The following KIF4A variants were observed in gnomAD, a reference collection of about 807,000 sequenced individuals.
KIF4A encodes the protein chromosome-associated kinesin KIF4A.
A neutral mutation model predicts 105.9 loss-of-function variants in KIF4A; 7 were observed. The ratio of observed to expected loss-of-function variants is 0.07; its 90% confidence interval spans 0.04 to 0.12. KIF4A has a LOEUF of 0.12. Ranked by LOEUF, KIF4A falls within the 10% of genes least tolerant of loss-of-function variation. The pLI is 1.00. For synonymous variants in KIF4A, 281 were observed against 331.3 expected, an observed-to-expected ratio of 0.85 and a Z score of 1.65; for missense variants, 558 against 929.2, an observed-to-expected ratio of 0.60 and a Z score of 5.19.
intron 10 of KIF4A, 119 bp downstream of exon 10, chrX:70,333,808 C>G: frequency 2.0e-6 from 1 of 500,633 alleles, no homozygotes; most frequent in Non-Finnish European, 3.4e-6. Context: ...ACCAATTTTG[C>G]TGACTATTTA....
chrX:70,385,380 A>T (rs1232403569), intron 18 of KIF4A, among the ~76,000 whole-genome samples: 1 of 112,231 alleles, frequency 8.9e-6, no homozygotes, highest in Non-Finnish European at 1.9e-5. Context: ...GGTACTAAGA[A>T]GACTGTTGAC....
At chrX:70,395,592 G>A (rs2086256211) in intron 20 of KIF4A, 79 bp from the exon 21 acceptor site, 2 of 1,147,921 alleles carry the variant, frequency 1.7e-6, no homozygotes, top group East Asian at 3.0e-5. Context: ...TCCAAATGAA[G>A]TTAAGTCTGG....
intron 15 of KIF4A, among the ~76,000 whole-genome samples, chrX:70,371,971 A>C (rs1212749623): frequency 1.0e-5 from 1 of 98,296 alleles, no homozygotes; most frequent in South Asian, 5.4e-4. Flanking sequence ...AGACGGGGTC[A>C]CGGCCGGGTA....
At chrX:70,393,710 A>G (rs1387072284) in intron 20 of KIF4A, among the ~76,000 whole-genome samples, 1 of 105,256 alleles carries the variant, frequency 9.5e-6, no homozygotes, top group African/African-American at 3.4e-5. Flanking sequence ...TATTAATGTT[A>G]GTATGTTGTT....
chrX:70,323,911 G>A (rs1004249002), intron 7 of KIF4A, among the ~76,000 whole-genome samples: 1 of 109,151 alleles, frequency 9.2e-6, no homozygotes, highest in African/African-American at 3.4e-5. Flanking sequence ...TTGACTCACT[G>A]CAACCTCCAC....
At chrX:70,417,349 C>CA (rs2086348505) in intron 28 of KIF4A, among the ~76,000 whole-genome samples, 1 of 110,050 alleles carries the variant, frequency 9.1e-6, no homozygotes, top group African/African-American at 3.3e-5. Context: ...ACTAAAAATA[C>CA]AAAAATTAGC....
chrX:70,301,608 CT>C (rs2085804693), intron 5 of KIF4A, among the ~76,000 whole-genome samples: 1 of 111,768 alleles, frequency 8.9e-6, no homozygotes, highest in African/African-American at 3.3e-5. Flanking sequence ...ATTAACTTCA[CT>C]TGGGGTTTCT....
chrX:70,321,349 T>G, intron 7 of KIF4A, among the ~76,000 whole-genome samples: 1 of 112,369 alleles, frequency 8.9e-6, no homozygotes, highest in East Asian at 2.8e-4. Context: ...GACATTGCCT[T>G]TTTTAATCAT....
chrX:70,356,799 C>T (rs1339281606), intron 15 of KIF4A, among the ~76,000 whole-genome samples: 2 of 111,551 alleles, frequency 1.8e-5, no homozygotes, highest in Non-Finnish European at 3.8e-5. Context: ...TCTCTTATCC[C>T]ACCACCTGTG....
chrX:70,329,421 A>G lies in KIF4A; in HGVS notation c.795A>G (p.Arg265=). The change falls in exon 8 of 31, where the codon CGA becomes CGG. Residue 265 remains arginine (R), a synonymous_variant. Transcript: ENST00000374403. ...DRLKEGININ[R]GLLCLGNVIS... ...TGCTATTAGGTATTAATATTAACCG[A>G]GGCCTCCTATGCTTGGGAAATGTAA... The G allele has an allele frequency of 3.3e-6, 4 of 1,210,618 alleles. No individual in the cohort carries two copies. Among genetic ancestry groups the G allele is most frequent in the Non-Finnish European group, 4.5e-6 (4 of 894,609 alleles).
chrX:70,332,678 G>T (rs1033312247), intron 9 of KIF4A, among the ~76,000 whole-genome samples: 1 of 110,971 alleles, frequency 9.0e-6, no homozygotes, highest in Non-Finnish European at 1.9e-5. Context: ...TAGAAAGGGA[G>T]AAATTGAAAA....
intron 9 of KIF4A, among the ~76,000 whole-genome samples, chrX:70,331,649 A>AC (rs1555947524): frequency 9.1e-6 from 1 of 109,858 alleles, no homozygotes; most frequent in South Asian, 4.0e-4. Flanking sequence ...TAAAAAAAAA[A>AC]CCACAGTATC....
At chrX:70,309,321 A>G (rs1450365121) in intron 7 of KIF4A, among the ~76,000 whole-genome samples, 1 of 111,764 alleles carries the variant, frequency 8.9e-6, no homozygotes, top group Non-Finnish European at 1.9e-5. Flanking sequence ...TTCCATTTCT[A>G]TGAATTGCCT....
chrX:70,314,178 G>A (rs1400125796), intron 7 of KIF4A, among the ~76,000 whole-genome samples: 1 of 112,232 alleles, frequency 8.9e-6, no homozygotes, highest in African/African-American at 3.2e-5. Flanking sequence ...GCTTATACCT[G>A]TGGAATTAAC....
chrX:70,349,355 C>CGG (rs1189833945), intron 13 of KIF4A, among the ~76,000 whole-genome samples: 1 of 98,720 alleles, frequency 1.0e-5, no homozygotes. Flanking sequence ...GATGGGGCGG[C>CGG]CGGGCAGAGG....
At chrX:70,353,460 C>T (rs1434864878) in intron 14 of KIF4A, among the ~76,000 whole-genome samples, 162 bp from the exon 15 acceptor site, 1 of 112,051 alleles carries the variant, frequency 8.9e-6, no homozygotes, top group Non-Finnish European at 1.9e-5. Flanking sequence ...ACTAGGCTAG[C>T]TATTTATTTC....
chrX:70,330,611 A>C (rs2085926477), intron 9 of KIF4A, among the ~76,000 whole-genome samples: 1 of 111,891 alleles, frequency 8.9e-6, no homozygotes, highest in Non-Finnish European at 1.9e-5. Flanking sequence ...ATGACTTGTT[A>C]AAGAATTTGG....
intron 22 of KIF4A, among the ~76,000 whole-genome samples, chrX:70,396,849 C>T (rs1350421164): frequency 1.8e-5 from 2 of 110,995 alleles, no homozygotes; most frequent in South Asian, 3.9e-4. Context: ...GTGGGTGGAT[C>T]GCCTGAGGCC....
In KIF4A at chrX:70,360,230, G is replaced by T. The variant is rs1179764246; in HGVS notation, c.1674+6423G>T. On this transcript the variant is annotated intron_variant, in intron 15 of 30. Transcript: ENST00000374403. ...AAAATTAACACTGCACTTATTGGAA[G>T]ACATGAAAATCCAAAGATGGGTAGA... 8.9e-4 allele frequency among the ~76,000 whole-genome samples: 100 copies of T among 112,201 alleles called. 3 individuals carry two copies. Among genetic ancestry groups the T allele is most frequent in the Non-Finnish European group, 3.8e-5 (2 of 53,205 alleles).
Sources: allele counts gnomAD v4.1 joint callset (sites outside exome capture counted in the v4.1 genomes callset), GRCh38; gene constraint gnomAD v4.1.1; transcripts MANE v1.5; gene names NCBI Gene and HGNC (gene_info 2026-07-23, HGNC 2026-07-21).